Variants in SLC35F2 observed in about 807,000 individuals in gnomAD.
SLC35F2 encodes the protein queuine/queuosine transporter SLC35F2.
In SLC35F2, 25 loss-of-function variants were observed where a neutral mutation model predicts 38.1. That is an observed-to-expected ratio of 0.66 (90% CI 0.48 to 0.92). The LOEUF (loss-of-function observed/expected upper bound fraction) is 0.92, where lower values mean the gene tolerates loss of function less well. Among genes scored for constraint, SLC35F2 ranks in the 40% least tolerant of loss-of-function variants. The probability of loss-of-function intolerance (pLI) is 0.00; values close to 1 mark genes in which losing one functional copy is unlikely to be tolerated. For synonymous variants in SLC35F2, 173 were observed against 181.7 expected (o/e 0.95, Z 0.38); for missense variants, 409 against 452.9 (o/e 0.90, Z 0.88).
At chr11:107,798,150 C>A (rs1008584859) in intron 7 of SLC35F2, among the ~76,000 whole-genome samples, 1 of 151,934 alleles carries the variant, frequency 6.6e-6, no homozygotes, top group African/African-American at 2.4e-5. Flanking sequence ...ATTACAGGTG[C>A]CCGCCATCAT....
intron 1 of SLC35F2, among the ~76,000 whole-genome samples, chr11:107,818,733 C>T (rs992661609): frequency 7.2e-5 from 11 of 152,160 alleles, no homozygotes; most frequent in Non-Finnish European, 1.6e-4. Context: ...CTTTATTGAT[C>T]CATTCCACTG....
intron 1 of SLC35F2, among the ~76,000 whole-genome samples, chr11:107,835,226 G>A (rs951114226): frequency 2.0e-5 from 3 of 152,146 alleles, no homozygotes; most frequent in African/African-American, 7.2e-5. Context: ...CAGTACACCT[G>A]GTAAACTGCA....
At chr11:107,818,729 T>C (rs937222404) in intron 1 of SLC35F2, among the ~76,000 whole-genome samples, 1 of 152,250 alleles carries the variant, frequency 6.6e-6, no homozygotes, top group African/African-American at 2.4e-5. Context: ...CATGCTTTAT[T>C]GATCCATTCC....
chr11:107,818,709 A>AT (rs1565433437), intron 1 of SLC35F2, among the ~76,000 whole-genome samples: 3 of 152,222 alleles, frequency 2.0e-5, no homozygotes, highest in African/African-American at 7.2e-5. Context: ...ACTCTACCAC[A>AT]TGACTACATC....
Position 107,800,822 on chromosome 11 carries a change from G to T in SLC35F2, c.939+2179C>A, listed in dbSNP as rs142115628. Among the ~76,000 whole-genome samples, 362 of 152,104 alleles carry T rather than the reference G, an allele frequency of 2.4e-3. 4 individuals are homozygous for T. Among genetic ancestry groups the T allele is most frequent in the African/African-American group, 8.2e-3 (342 of 41,466 alleles). On this transcript the variant is annotated intron_variant, in intron 7 of 7. Coordinates refer to ENST00000525815, the MANE Select transcript of SLC35F2 (RefSeq NM_017515.5). Reference sequence around the variant, plus strand: ...GCTGAAAAGAGGTATTTCTAAAGCAGGGGTTCTCAAAGTATAATCCAAAAT... The same window carrying T: ...GCTGAAAAGAGGTATTTCTAAAGCATGGGTTCTCAAAGTATAATCCAAAAT...
At chr11:107,805,137 CA>C (rs1859372137) in intron 5 of SLC35F2, 2 of 985,270 alleles carry the variant, frequency 2.0e-6, no homozygotes, top group African/African-American at 3.5e-5. Context: ...TCCTAAGCAA[CA>C]CACATGTTTA....
intron 2 of SLC35F2, among the ~76,000 whole-genome samples, chr11:107,814,512 G>A (rs1859532922): frequency 6.6e-6 from 1 of 151,710 alleles, no homozygotes; most frequent in African/African-American, 2.4e-5. Context: ...GGGGAGGGAG[G>A]GAGGAATGAA....
chr11:107,834,493 A>C (rs1349011915), intron 1 of SLC35F2, among the ~76,000 whole-genome samples: 1 of 152,124 alleles, frequency 6.6e-6, no homozygotes, highest in East Asian at 1.9e-4. Flanking sequence ...TCTACTAAAA[A>C]TACAAAATTA....
intron 1 of SLC35F2, among the ~76,000 whole-genome samples, chr11:107,849,281 A>C (rs1181017862): frequency 6.6e-6 from 1 of 152,138 alleles, no homozygotes; most frequent in Non-Finnish European, 1.5e-5. Flanking sequence ...AGATGGAGGC[A>C]TGGATGGAAG....
intron 1 of SLC35F2, among the ~76,000 whole-genome samples, chr11:107,822,448 A>C (rs941108779): frequency 6.6e-6 from 1 of 152,160 alleles, no homozygotes; most frequent in African/African-American, 2.4e-5. Context: ...AATGGTTGTT[A>C]ATATGTGCCA....
chr11:107,815,613 T>C (rs1446497162), intron 2 of SLC35F2, among the ~76,000 whole-genome samples, 177 bp downstream of exon 2: 3 of 151,842 alleles, frequency 2.0e-5, no homozygotes, highest in African/African-American at 7.3e-5. Context: ...AACACTTTTT[T>C]TTTGGACAAC....
intron 1 of SLC35F2, among the ~76,000 whole-genome samples, chr11:107,833,682 A>G (rs1452456264): frequency 1.3e-5 from 2 of 152,174 alleles, no homozygotes; most frequent in East Asian, 1.9e-4. Flanking sequence ...TGTTACACCC[A>G]GGCGAGTTAG....
At chr11:107,823,515 T>C (rs945649080) in intron 1 of SLC35F2, among the ~76,000 whole-genome samples, 1 of 152,178 alleles carries the variant, frequency 6.6e-6, no homozygotes, top group African/African-American at 2.4e-5. Context: ...AAAAATCCTA[T>C]TATGAACCCA....
In SLC35F2 at chr11:107,792,698, G is replaced by A. The variant is rs373458085; in HGVS notation, c.1042C>T (p.Pro348Ser). Residue 348 changes from proline to serine, a missense_variant, in exon 8 of 8, where the codon CCT becomes TCT. Coordinates refer to ENST00000525815, the MANE Select transcript of SLC35F2 (RefSeq NM_017515.5). ...RTAEPAESSV[P>S]PVTSIGIDNL... ...TCAATCCCAATGCTGGTGACTGGAG[G>A]CACGCTGCTTTCAGCCGGCTCGGCC... The A allele has an allele frequency of 6.2e-6, 10 of 1,613,970 alleles. No individual in the cohort carries two copies. Among genetic ancestry groups the A allele is most frequent in the Non-Finnish European group, 7.6e-6 (9 of 1,179,962 alleles).
chr11:107,799,168 C>T (rs7122701), intron 7 of SLC35F2, among the ~76,000 whole-genome samples: 7,487 of 152,200 alleles, frequency 0.049, 495 homozygotes, highest in East Asian at 0.28. Flanking sequence ...TTTCAGAAGA[C>T]CTGCTCTTTG....
chr11:107,816,594 T>C (rs1303651164), intron 1 of SLC35F2, among the ~76,000 whole-genome samples: 8 of 151,802 alleles, frequency 5.3e-5, no homozygotes, highest in Non-Finnish European at 1.0e-4. Context: ...GCCCTTACCC[T>C]GCATTTCTAA....
At chr11:107,823,938 A>G (rs1859714829) in intron 1 of SLC35F2, 1 of 947,278 alleles carries the variant, frequency 1.1e-6, no homozygotes, top group Non-Finnish European at 1.3e-6. Flanking sequence ...AAAAAAAAAA[A>G]AAAAAGAAAA....
chr11:107,845,278 G>A (rs1860088277), intron 1 of SLC35F2, among the ~76,000 whole-genome samples: 1 of 151,932 alleles, frequency 6.6e-6, no homozygotes, highest in Non-Finnish European at 1.5e-5. Context: ...TTTTCCTTAA[G>A]TACCCTTACA....
rs367851768 is a variant in SLC35F2, at chr11:107,816,571, G to A, written c.111-606C>T. Among the ~76,000 whole-genome samples, 4 of 151,532 alleles carry A rather than the reference G, an allele frequency of 2.6e-5. No individual in the cohort carries two copies. In the East Asian group the frequency reaches 7.8e-4, roughly 29 times the overall value. ...CAAAGTGCTAGGATTTCAAGGGTGA[G>A]CCATCGTGACTGGCCCTTACCCTGC... On this transcript the variant is annotated intron_variant, in intron 1 of 7. Coordinates refer to ENST00000525815, the MANE Select transcript of SLC35F2 (RefSeq NM_017515.5).
Sources: allele counts gnomAD v4.1 joint callset (sites outside exome capture counted in the v4.1 genomes callset), GRCh38; gene constraint gnomAD v4.1.1; transcripts MANE v1.5; gene names NCBI Gene and HGNC (gene_info 2026-07-23, HGNC 2026-07-21).